The following ADAMTSL1 variants were observed in gnomAD, a reference collection of about 807,000 sequenced individuals.
ADAMTSL1 encodes ADAMTS-like protein 1.
ADAMTSL1 carries 126 observed loss-of-function variants against 201.8 expected under a neutral mutation model. The observed-to-expected ratio is 0.62, with a 90% confidence interval of 0.54 to 0.72. The LOEUF is 0.72. ADAMTSL1 is among the 30% of genes least tolerant of loss of function. The pLI is 0.00. For missense variants in ADAMTSL1, 2,679 were observed against 2,277.8 expected (o/e 1.18, Z -3.59); for synonymous variants, 1,121 against 903.4 (o/e 1.24, Z -4.32).
At chr9:18,178,662 G>C (rs943037707) in intron 2 of ADAMTSL1, among the ~76,000 whole-genome samples, 6 of 150,696 alleles carry the variant, frequency 4.0e-5, no homozygotes, top group South Asian at 2.1e-4. Flanking sequence ...GGTTCTCCCA[G>C]CACGCAGCTG....
rs1362690055 is a variant in ADAMTSL1, at chr9:18,314,813, T to C, written c.207+150832T>C. 2.8e-3 allele frequency among the ~76,000 whole-genome samples: 360 copies of C among 130,044 alleles called. 3 individuals are homozygous for C. Among genetic ancestry groups the C allele is most frequent in the African/African-American group, 0.012 (350 of 30,402 alleles). 85.3% of individuals were successfully genotyped at this position (130,044 alleles called of 152,430 possible). A position where few individuals can be genotyped will look rare whatever the true frequency, so the allele number is the denominator to read the frequency against. ...TTTTTTTTTTTTTTTTTTTTTTTTT[T>C]TGAGACGGAGTCTTGCTCTGTCGCC... On this transcript the variant is annotated intron_variant, in intron 2 of 29. Transcript: ENST00000680146.
chr9:18,617,762 A>G (rs774029023), intron 4 of ADAMTSL1, among the ~76,000 whole-genome samples: 9 of 152,086 alleles, frequency 5.9e-5, no homozygotes, highest in Admixed American at 2.0e-4. Context: ...TCAGGGTGCT[A>G]TTTTGCCTTT....
intron 1 of ADAMTSL1, among the ~76,000 whole-genome samples, chr9:17,990,367 G>A (rs953701454): frequency 3.9e-5 from 6 of 151,946 alleles, no homozygotes; most frequent in Non-Finnish European, 5.9e-5. Flanking sequence ...CTTAATCATT[G>A]AGATGTTTGG....
intron 1 of ADAMTSL1, among the ~76,000 whole-genome samples, chr9:17,907,812 A>T (rs2383049): frequency 0.83 from 125,929 of 152,018 alleles, 52,399 homozygotes; most frequent in East Asian, 1. Flanking sequence ...CAGGTTAACT[A>T]TTGCTTAAAA....
intron 1 of ADAMTSL1, chr9:17,907,020 C>G (rs1025314492): frequency 5.2e-5 from 8 of 152,630 alleles, no homozygotes; most frequent in African/African-American, 1.9e-4. Flanking sequence ...TGCTCTCTTC[C>G]GCGAAGGTCC....
At chr9:18,448,021 C>T (rs112836534) in intron 2 of ADAMTSL1, among the ~76,000 whole-genome samples, 105 of 151,856 alleles carry the variant, frequency 6.9e-4, no homozygotes, top group African/African-American at 2.4e-3. Context: ...TGCTCGCTCT[C>T]GCTCTTTCTC....
At chr9:18,783,455 C>G (rs760260847) in intron 19 of ADAMTSL1, among the ~76,000 whole-genome samples, 1 of 152,192 alleles carries the variant, frequency 6.6e-6, no homozygotes, top group Non-Finnish European at 1.5e-5. Context: ...ACAGGTGACT[C>G]TGAAGCCAGA....
chr9:18,365,340 T>C (rs1294952283), intron 2 of ADAMTSL1, among the ~76,000 whole-genome samples: 1 of 151,872 alleles, frequency 6.6e-6, no homozygotes, highest in East Asian at 1.9e-4. Flanking sequence ...TTAATAACAA[T>C]TCAAAAGCAG....
At chr9:17,937,128 C>T in intron 1 of ADAMTSL1, among the ~76,000 whole-genome samples, 1 of 152,120 alleles carries the variant, frequency 6.6e-6, no homozygotes, top group East Asian at 1.9e-4. Context: ...CCTCAGACTA[C>T]TCAGCTTAGA....
chr9:18,056,688 C>G (rs1331091639), intron 1 of ADAMTSL1, among the ~76,000 whole-genome samples: 1 of 152,200 alleles, frequency 6.6e-6, no homozygotes, highest in African/African-American at 2.4e-5. Flanking sequence ...AAAGAGGAAT[C>G]TTAAGTGCAC....
In ADAMTSL1 at chr9:18,478,476, G is replaced by A. The variant is rs376391422; in HGVS notation, c.63+4181G>A. ...ATGAAGAGAAAAAATGACTTACAGA[G>A]ACTATCGAAGGGTTCTTTAATTCTT... On this transcript the variant is annotated intron_variant, in intron 1 of 28. Coordinates refer to ENST00000380548, the MANE Select transcript of ADAMTSL1 (RefSeq NM_001040272.6). Among the ~76,000 whole-genome samples the A allele has an allele frequency of 5.9e-5, 9 of 152,144 alleles. No individual in the cohort carries two copies. The South Asian group carries it at 1.9e-3, about 31-fold the overall frequency.
intron 1 of ADAMTSL1, among the ~76,000 whole-genome samples, chr9:18,494,959 G>A (rs1822458138): frequency 6.6e-6 from 1 of 152,292 alleles, no homozygotes; most frequent in South Asian, 2.1e-4. Flanking sequence ...GGACAGACTG[G>A]TGGGAAGAGA....
At position 18,829,966 on chromosome 9, in the gene ADAMTSL1, C is replaced by T; in HGVS notation, c.4238C>T (p.Ser1413Phe). Residue 1413 changes from serine to phenylalanine, a missense_variant, in exon 23 of 29, where the codon TCT becomes TTT. Physicochemically the swap from Ser to Phe is radical, Grantham distance 155. Coordinates refer to ENST00000380548, the MANE Select transcript of ADAMTSL1 (RefSeq NM_001040272.6). ...GTQLVLDPGN[S>F]ALLGCPIKGH... ...CAGCTGGTCCTGGATCCTGGGAATT[C>T]TGCTCTCCTTGGTGAGTCTAACCCT... 6.2e-7 allele frequency: 1 copy of T among 1,611,226 alleles called. No homozygotes were observed. Among genetic ancestry groups the T allele is most frequent in the Non-Finnish European group, 8.5e-7 (1 of 1,178,808 alleles).
At chr9:18,030,046 G>T (rs1051771887) in intron 1 of ADAMTSL1, among the ~76,000 whole-genome samples, 1 of 151,924 alleles carries the variant, frequency 6.6e-6, no homozygotes, top group South Asian at 2.1e-4. Flanking sequence ...CCCATTACTG[G>T]GTATATACCC....
At chr9:18,785,124 A>G (rs2133797099) in intron 19 of ADAMTSL1, among the ~76,000 whole-genome samples, 1 of 152,082 alleles carries the variant, frequency 6.6e-6, no homozygotes, top group African/African-American at 2.4e-5. Flanking sequence ...GTATCGTGCC[A>G]CTGCATTCTG....
At chr9:18,713,767 A>G (rs1475064061) in intron 14 of ADAMTSL1, among the ~76,000 whole-genome samples, 1 of 148,210 alleles carries the variant, frequency 6.7e-6, no homozygotes, top group Non-Finnish European at 1.5e-5. Flanking sequence ...CATCTACAGA[A>G]CTCTCCACCC....
chr9:18,587,958 T>G (rs980917059), intron 4 of ADAMTSL1, among the ~76,000 whole-genome samples: 1 of 152,202 alleles, frequency 6.6e-6, no homozygotes. Flanking sequence ...CTCTTTGATG[T>G]AGTGATTTCC....
chr9:18,465,418 C>T (rs1316877947), intron 2 of ADAMTSL1, among the ~76,000 whole-genome samples: 1 of 152,196 alleles, frequency 6.6e-6, no homozygotes, highest in Non-Finnish European at 1.5e-5. Context: ...AAGCCAGGGC[C>T]GTTTTTCTGG....
At chr9:18,752,974 A>G (rs1819547575) in intron 15 of ADAMTSL1, among the ~76,000 whole-genome samples, 1 of 152,160 alleles carries the variant, frequency 6.6e-6, no homozygotes, top group Non-Finnish European at 1.5e-5. Context: ...TATGTACTCA[A>G]TCTATGTCTC....
Sources: gnomAD v4.1 joint callset for allele counts (sites outside exome capture counted in the v4.1 genomes callset) on GRCh38, gnomAD v4.1.1 for gene constraint, MANE v1.5 for transcripts, NCBI Gene and HGNC (gene_info 2026-07-23, HGNC 2026-07-21) for gene names.